The following TRIP4 variants were observed in gnomAD, a reference collection of about 807,000 sequenced individuals.
TRIP4 encodes thyroid hormone receptor interactor 4.
TRIP4 carries 54 observed loss-of-function variants against 81.8 expected under a neutral mutation model. The observed-to-expected ratio is 0.66, with a 90% CI of 0.53 to 0.83. The LOEUF is 0.83. Among genes scored for constraint, TRIP4 ranks in the 40% least tolerant of loss-of-function variants. TRIP4 has a pLI of 0.00. For synonymous variants in TRIP4, 270 were observed against 242.8 expected (o/e 1.11, Z -1.04); for missense variants, 662 against 683.6 (o/e 0.97, Z 0.35).
At position 64,389,754 on chromosome 15, in the gene TRIP4, G is replaced by A. The variant is rs191660458; in HGVS notation, c.101+1790G>A. Among the ~76,000 whole-genome samples the A allele has an allele frequency of 5.5e-3, 805 of 147,476 alleles. 7 individuals are homozygous for A. Among genetic ancestry groups the A allele is most frequent in the South Asian group, 0.023 (107 of 4,672 alleles). Reference sequence around the variant, plus strand: ...GAGACAGATTCTGTTGCCCAGGCTGGAGTGCAGTGGTGCGATCTCAGCTCG... The same window carrying A: ...GAGACAGATTCTGTTGCCCAGGCTGAAGTGCAGTGGTGCGATCTCAGCTCG... On this transcript the variant is annotated intron_variant, in intron 1 of 12. Transcript: ENST00000261884.
Position 64,397,836 on chromosome 15 carries a change from T to C in TRIP4, c.618+18T>C. Reference sequence around the variant, plus strand: ...GCACTCTGGTAAATTATTTCTTTTCTATTTTATTTTACTGTGCTTTGTGTT... The same window carrying C: ...GCACTCTGGTAAATTATTTCTTTTCCATTTTATTTTACTGTGCTTTGTGTT... On this transcript the variant is annotated intron_variant, in intron 4 of 12. Transcript: ENST00000261884. 1 of 1,611,910 alleles carries C rather than the reference T, an allele frequency of 6.2e-7. No homozygotes were observed. The highest frequency in any genetic ancestry group is 8.5e-7 in the Non-Finnish European group (1 of 1,178,316).
intron 1 of TRIP4, among the ~76,000 whole-genome samples, chr15:64,390,413 A>C (rs1369060170): frequency 6.6e-6 from 1 of 151,364 alleles, no homozygotes; most frequent in Non-Finnish European, 1.5e-5. Context: ...GTGAGCTGAT[A>C]CCGCACCACT....
chr15:64,406,224 A>G (rs1891618360), intron 5 of TRIP4, 106 bp from the exon 6 acceptor site: 8 of 1,412,990 alleles, frequency 5.7e-6, no homozygotes, highest in Non-Finnish European at 6.8e-6. Context: ...GCTCCAGGCC[A>G]TCAGGCCAGA....
At chr15:64,447,481 C>CT (rs1267319364) in intron 12 of TRIP4, among the ~76,000 whole-genome samples, 1 of 152,236 alleles carries the variant, frequency 6.6e-6, no homozygotes. Flanking sequence ...GCTGGCTGTA[C>CT]TTTAAGTAAC....
At chr15:64,432,874 G>A (rs1156611133) in intron 11 of TRIP4, among the ~76,000 whole-genome samples, 1 of 151,972 alleles carries the variant, frequency 6.6e-6, no homozygotes, top group Admixed American at 6.6e-5. Context: ...TTGCGCCACT[G>A]TACTCCAGCC....
rs1032634107 is a variant in TRIP4 at position 64,406,540 on chromosome 15, T to G, written c.827+81T>G. 3.7e-5 allele frequency: 56 copies of G among 1,504,596 alleles called. 1 individual carries two copies. Among genetic ancestry groups the G allele is most frequent in the South Asian group, 3.2e-4 (25 of 78,172 alleles). 93.2% of individuals were successfully genotyped at this position (1,504,596 alleles called of 1,614,324 possible). A position where few individuals can be genotyped will look rare whatever the true frequency, so the allele number is the denominator to read the frequency against. On this transcript the variant is annotated intron_variant, in intron 6 of 12. Coordinates refer to ENST00000261884, the MANE Select transcript of TRIP4 (RefSeq NM_016213.5). ...GCCATTATTTTGGTACTTGATACCT[T>G]CTCAAAGTGGAGTGTGAAAGAGTTT...
At chr15:64,445,803 A>G (rs1892621400) in intron 12 of TRIP4, among the ~76,000 whole-genome samples, 1 of 152,118 alleles carries the variant, frequency 6.6e-6, no homozygotes, top group African/African-American at 2.4e-5. Context: ...ACCTTGATCC[A>G]CAATTACCGG....
intron 10 of TRIP4, 162 bp downstream of exon 10, chr15:64,424,317 A>G: frequency 1.0e-6 from 1 of 957,242 alleles, no homozygotes; most frequent in Non-Finnish European, 1.5e-6. Flanking sequence ...GACAGCGTTC[A>G]AAGCATTAAT....
intron 11 of TRIP4, among the ~76,000 whole-genome samples, chr15:64,438,731 A>C (rs945326487): frequency 6.6e-6 from 1 of 152,226 alleles, no homozygotes; most frequent in African/African-American, 2.4e-5. Flanking sequence ...AAAAGTTATG[A>C]GGTTAATTTT....
At chr15:64,406,184 A>T in intron 5 of TRIP4, 146 bp from the exon 6 acceptor site, 1 of 882,350 alleles carries the variant, frequency 1.1e-6, no homozygotes, top group Non-Finnish European at 1.7e-6. Context: ...TAAGGCCTGG[A>T]CTGTGTACTT....
chr15:64,413,626 A>G (rs1206056522), intron 7 of TRIP4, among the ~76,000 whole-genome samples: 5 of 151,732 alleles, frequency 3.3e-5, no homozygotes, highest in African/African-American at 7.3e-5. Flanking sequence ...GTCTCACTCT[A>G]TTGCCCAGGC....
At chr15:64,423,378 G>A (rs567526269) in intron 9 of TRIP4, among the ~76,000 whole-genome samples, 11 of 143,298 alleles carry the variant, frequency 7.7e-5, no homozygotes, top group East Asian at 4.4e-4. Context: ...CAGGAGAATC[G>A]CTTGAACCCA....
intron 1 of TRIP4, among the ~76,000 whole-genome samples, chr15:64,390,225 G>A (rs1900083342): frequency 6.6e-6 from 1 of 151,024 alleles, no homozygotes; most frequent in African/African-American, 2.4e-5. Flanking sequence ...ACTTTGGGAG[G>A]CCGAGGCAGA....
At chr15:64,425,487 C>A in intron 10 of TRIP4, 53 bp from the exon 11 acceptor site, 1 of 1,458,236 alleles carries the variant, frequency 6.9e-7, no homozygotes, top group South Asian at 1.2e-5. Flanking sequence ...TTCCTGAGTT[C>A]CAAGATCACA....
At chr15:64,388,945 A>C (rs577699459) in intron 1 of TRIP4, among the ~76,000 whole-genome samples, 145 of 152,312 alleles carry the variant, frequency 9.5e-4, no homozygotes, top group African/African-American at 3.4e-3. Context: ...CTGCTGTTAC[A>C]CGCCAGGTGC....
chr15:64,449,082 TGTGCCTATA>T, intron 12 of TRIP4, among the ~76,000 whole-genome samples: 1 of 151,960 alleles, frequency 6.6e-6, no homozygotes, highest in Non-Finnish European at 1.5e-5. Context: ...TGTGGTGGCG[TGTGCCTATA>T]GTGCCAGCTA....
chr15:64,420,702 G>A (rs1051666198), intron 9 of TRIP4, among the ~76,000 whole-genome samples: 5 of 151,524 alleles, frequency 3.3e-5, no homozygotes, highest in African/African-American at 1.2e-4. Flanking sequence ...TTGTGTATGT[G>A]TGTGTGTTTT....
intron 1 of TRIP4, chr15:64,393,719 C>T (rs1019342910): frequency 6.0e-6 from 2 of 330,720 alleles, no homozygotes; most frequent in African/African-American, 2.1e-5. Flanking sequence ...CACTAGTAAT[C>T]GTTTTGGTGT....
chr15:64,448,489 G>C (rs1387023579), intron 12 of TRIP4, among the ~76,000 whole-genome samples: 1 of 151,926 alleles, frequency 6.6e-6, no homozygotes, highest in African/African-American at 2.4e-5. Flanking sequence ...TTTGAGATGG[G>C]GTCTCACTCT....
Sources: allele counts gnomAD v4.1 joint callset (sites outside exome capture counted in the v4.1 genomes callset), GRCh38; gene constraint gnomAD v4.1.1; transcripts MANE v1.5; gene names NCBI Gene and HGNC (gene_info 2026-07-23, HGNC 2026-07-21).